The following ST6GALNAC3 variants were observed in gnomAD, a reference collection of about 807,000 sequenced individuals.
The protein encoded by ST6GALNAC3 is ST6 N-acetylgalactosaminide alpha-2,6-sialyltransferase 3.
In ST6GALNAC3, 25 loss-of-function variants were observed where a neutral mutation model predicts 32.7. The ratio of observed to expected loss-of-function variants is 0.76; its 90% CI spans 0.56 to 1.07. The LOEUF is 1.07. ST6GALNAC3 is among the 50% of genes least tolerant of loss of function. ST6GALNAC3 has a pLI of 0.00. For synonymous variants in ST6GALNAC3, 129 were observed against 133.1 expected, an observed-to-expected ratio of 0.97 and a Z score of 0.21; for missense variants, 355 against 382.4, an observed-to-expected ratio of 0.93 and a Z score of 0.60.
chr1:76,320,802 C>T (rs1009092574), intron 2 of ST6GALNAC3, among the ~76,000 whole-genome samples: 12 of 152,062 alleles, frequency 7.9e-5, no homozygotes, highest in African/African-American at 2.9e-4. Flanking sequence ...ATGGAAAATA[C>T]ATACATGTAT....
intron 3 of ST6GALNAC3, among the ~76,000 whole-genome samples, chr1:76,594,676 A>C (rs1236979354): frequency 6.6e-6 from 1 of 152,198 alleles, no homozygotes; most frequent in African/African-American, 2.4e-5. Context: ...CAATAGATAA[A>C]GCTGCTCCTT....
intron 3 of ST6GALNAC3, among the ~76,000 whole-genome samples, chr1:76,489,878 A>G (rs1049260333): frequency 1.3e-5 from 2 of 152,126 alleles, no homozygotes; most frequent in African/African-American, 4.8e-5. Context: ...CTGGTTGAAG[A>G]AGCTTTTATG....
intron 1 of ST6GALNAC3, among the ~76,000 whole-genome samples, chr1:76,084,960 A>G (rs1646945774): frequency 6.6e-6 from 1 of 152,216 alleles, no homozygotes; most frequent in Non-Finnish European, 1.5e-5. Flanking sequence ...ACAGATGACA[A>G]AACTCTGGCT....
chr1:76,457,786 A>G (rs1657948564), intron 3 of ST6GALNAC3, among the ~76,000 whole-genome samples: 1 of 151,940 alleles, frequency 6.6e-6, no homozygotes, highest in Non-Finnish European at 1.5e-5. Context: ...AAACCCTAGA[A>G]GAAAACCTAG....
chr1:76,521,907 A>G (rs1662562424), intron 3 of ST6GALNAC3, among the ~76,000 whole-genome samples: 1 of 151,946 alleles, frequency 6.6e-6, no homozygotes, highest in African/African-American at 2.4e-5. Context: ...CGTCTCTACT[A>G]AAATACAAAA....
chr1:76,448,599 G>C (rs1466541554), intron 3 of ST6GALNAC3, among the ~76,000 whole-genome samples: 1 of 152,132 alleles, frequency 6.6e-6, no homozygotes, highest in Non-Finnish European at 1.5e-5. Context: ...TGAATCATGG[G>C]TGCAGGTCTT....
intron 1 of ST6GALNAC3, among the ~76,000 whole-genome samples, chr1:76,308,841 G>T (rs1308748971): frequency 6.6e-6 from 1 of 152,164 alleles, no homozygotes; most frequent in Non-Finnish European, 1.5e-5. Context: ...ATGTAGGGTA[G>T]ATAGGACAGT....
At chr1:76,147,154 C>G (rs763494364) in intron 1 of ST6GALNAC3, among the ~76,000 whole-genome samples, 5 of 151,698 alleles carry the variant, frequency 3.3e-5, no homozygotes, top group Non-Finnish European at 2.9e-5. Context: ...CCTCTGCCTC[C>G]TGGGTTCAAG....
Position 76,544,077 on chromosome 1 carries a change from ATT to A in ST6GALNAC3, c.624-83373_624-83372del, listed in dbSNP as rs1053337749. ...GAGATAGTCATCATTAATTAATTAC[ATT>A]TATATATATATATATATATATGAAA... On this transcript the variant is annotated intron_variant, in intron 3 of 4. Coordinates refer to ENST00000328299, the MANE Select transcript of ST6GALNAC3 (RefSeq NM_152996.4). 5.4e-4 allele frequency among the ~76,000 whole-genome samples: 23 copies of A among 42,786 alleles called. No homozygotes were observed. The Admixed American group carries it at 5.6e-3, about 10-fold the overall frequency. The allele number at this position is 42,786 out of a possible 152,430, so 28.1% of individuals were successfully genotyped here. A position where few individuals can be genotyped will look rare whatever the true frequency, so the allele number is the denominator to read the frequency against.
rs1039067857 is a variant in ST6GALNAC3, at chr1:76,450,916, C to G, written c.623+38499C>G. On this transcript the variant is annotated intron_variant, in intron 3 of 4. Transcript: ENST00000328299. ...TCTGTCCATTGGTCTATATGCCTAT[C>G]TTTATACCAGTAACATGCTGTTTTG... 2.0e-5 allele frequency among the ~76,000 whole-genome samples: 3 copies of G among 152,056 alleles called. 1 individual carries two copies. In the South Asian group the frequency reaches 6.2e-4, roughly 32 times the overall value.
At chr1:76,490,144 G>A (rs1184183922) in intron 3 of ST6GALNAC3, among the ~76,000 whole-genome samples, 1 of 152,044 alleles carries the variant, frequency 6.6e-6, no homozygotes, top group Non-Finnish European at 1.5e-5. Flanking sequence ...CCCGAAAATA[G>A]CCCACGGACC....
chr1:76,340,439 A>C (rs1200655603), intron 2 of ST6GALNAC3, among the ~76,000 whole-genome samples: 1 of 152,154 alleles, frequency 6.6e-6, no homozygotes, highest in Non-Finnish European at 1.5e-5. Flanking sequence ...AAGGTGCCAA[A>C]GGGGGCCCAG....
At chr1:76,383,149 A>T (rs1651841594) in intron 2 of ST6GALNAC3, among the ~76,000 whole-genome samples, 1 of 152,244 alleles carries the variant, frequency 6.6e-6, no homozygotes, top group South Asian at 2.1e-4. Flanking sequence ...AGTAACCACC[A>T]ACTTAATTCT....
chr1:76,373,085 C>T (rs1214572301), intron 2 of ST6GALNAC3, among the ~76,000 whole-genome samples: 3 of 152,150 alleles, frequency 2.0e-5, no homozygotes, highest in Non-Finnish European at 2.9e-5. Context: ...GCGTGAGCCA[C>T]GGTGCCTGGC....
chr1:76,431,921 A>G (rs1655784761), intron 3 of ST6GALNAC3, among the ~76,000 whole-genome samples: 1 of 152,186 alleles, frequency 6.6e-6, no homozygotes, highest in African/African-American at 2.4e-5. Flanking sequence ...GTATAAGGAC[A>G]TGTATCCACC....
At chr1:76,518,377 TA>T (rs1413238953) in intron 3 of ST6GALNAC3, among the ~76,000 whole-genome samples, 11 of 152,144 alleles carry the variant, frequency 7.2e-5, no homozygotes, top group Non-Finnish European at 1.6e-4. Flanking sequence ...CTTCTATTTT[TA>T]ATGAGGAGTT....
At chr1:76,152,939 T>A (rs1651144990) in intron 1 of ST6GALNAC3, among the ~76,000 whole-genome samples, 1 of 152,236 alleles carries the variant, frequency 6.6e-6, no homozygotes, top group South Asian at 2.1e-4. Flanking sequence ...TGGTCATTCA[T>A]AAACCTTTAG....
chr1:76,078,842 G>A (rs528228485), intron 1 of ST6GALNAC3, among the ~76,000 whole-genome samples: 9 of 152,104 alleles, frequency 5.9e-5, no homozygotes, highest in East Asian at 1.9e-4. Context: ...GTGCAGTGGC[G>A]TGATCTTGGT....
intron 2 of ST6GALNAC3, among the ~76,000 whole-genome samples, 193 bp downstream of exon 2, chr1:76,314,192 T>G (rs10873878): frequency 0.17 from 26,179 of 152,006 alleles, 2,502 homozygotes; most frequent in East Asian, 0.41. Context: ...CCACCCCTCC[T>G]ACATTAAATC....
Sources: gnomAD v4.1 joint callset for allele counts (sites outside exome capture counted in the v4.1 genomes callset) on GRCh38, gnomAD v4.1.1 for gene constraint, MANE v1.5 for transcripts, NCBI Gene and HGNC (gene_info 2026-07-23, HGNC 2026-07-21) for gene names.